The following PIEZO2 variants were observed in gnomAD, a reference collection of about 807,000 sequenced individuals.
The protein encoded by PIEZO2 is piezo-type mechanosensitive ion channel component 2.
A neutral mutation model predicts 337.3 loss-of-function variants in PIEZO2; 172 were observed. The observed-to-expected ratio is 0.51, with a 90% CI of 0.45 to 0.58. PIEZO2 has a LOEUF of 0.58. Ranked by LOEUF, PIEZO2 falls within the 20% of genes least tolerant of loss-of-function variation. The pLI is 0.00. For missense variants in PIEZO2, 3,028 were observed against 3,391.3 expected (o/e 0.89, Z 2.66); for synonymous variants, 1,251 against 1,228.5 (o/e 1.02, Z -0.38).
chr18:10,896,788 G>A (rs1464183850), intron 4 of PIEZO2, among the ~76,000 whole-genome samples: 4 of 152,142 alleles, frequency 2.6e-5, no homozygotes, highest in African/African-American at 4.8e-5. Context: ...TGTGAGGTCC[G>A]GCATCACCGG....
intron 2 of PIEZO2, among the ~76,000 whole-genome samples, chr18:11,025,202 T>C (rs2036493968): frequency 6.6e-6 from 1 of 152,304 alleles, no homozygotes; most frequent in East Asian, 1.9e-4. Flanking sequence ...GAAATGGAGA[T>C]GAAAATAACA....
intron 27 of PIEZO2, among the ~76,000 whole-genome samples, chr18:10,757,356 T>C (rs1043713619): frequency 8.1e-6 from 1 of 122,960 alleles, no homozygotes; most frequent in African/African-American, 3.1e-5. Context: ...GAATGGAGGG[T>C]GATGAGGAGG....
intron 1 of PIEZO2, among the ~76,000 whole-genome samples, chr18:11,123,898 GAAAGAGTAGATTTT>G (rs143467567): frequency 0.57 from 85,810 of 151,794 alleles, 27,015 homozygotes; most frequent in Non-Finnish European, 0.7. Context: ...TAAGATTGCT[GAAAGAGTAGATTTT>G]AAAGAGTAGA....
chr18:10,960,255 T>G (rs1177914547), intron 3 of PIEZO2, among the ~76,000 whole-genome samples: 2 of 152,172 alleles, frequency 1.3e-5, no homozygotes, highest in Non-Finnish European at 2.9e-5. Context: ...ATATTTTAAA[T>G]GTAGCTTAAA....
At chr18:10,967,018 G>GTTTT (rs1281379698) in intron 3 of PIEZO2, among the ~76,000 whole-genome samples, 2 of 122,856 alleles carry the variant, frequency 1.6e-5, no homozygotes, top group Non-Finnish European at 1.6e-5. Context: ...TCTGTTTTTT[G>GTTTT]TTTTTTTTTT....
chr18:10,731,177 T>TATATAGATATA (rs1555633703), intron 36 of PIEZO2, among the ~76,000 whole-genome samples: 2 of 35,234 alleles, frequency 5.7e-5, no homozygotes, highest in African/African-American at 2.6e-4. Flanking sequence ...ACTTAAAAGA[T>TATATAGATATA]TATATATATA....
At position 10,847,193 on chromosome 18, in the gene PIEZO2, C is replaced by T. The variant is rs897831060; in HGVS notation, c.917+8160G>A. Among the ~76,000 whole-genome samples the T allele has an allele frequency of 3.3e-5, 5 of 152,204 alleles. No homozygotes were observed. The highest frequency in any genetic ancestry group is 7.3e-5 in the Non-Finnish European group (5 of 68,038). The stretch of plus-strand genomic sequence containing the variant: ...GTGTGGTATTATTAAATCAGTGGAA[C>T]CCATGTGATGCTCGCTGGCCAGATG... On this transcript the variant is annotated intron_variant, in intron 7 of 55. Transcript: ENST00000674853. This position sits in a 1 kb window ranked among gnomAD's most constrained non-coding sequence, Gnocchi z 5.7.
In PIEZO2 at chr18:10,855,371, G is replaced by C; in HGVS notation, c.899C>G (p.Pro300Arg). 2.0e-6 allele frequency: 3 copies of C among 1,535,726 alleles called. No individual in the cohort carries two copies. The highest frequency in any genetic ancestry group is 2.6e-6 in the Non-Finnish European group (3 of 1,145,602). ...QFQFFQEAVP[P>R]NDYYARLFGI... ...CTCTTACCTTGCATAGTAGTCATTG[G>C]GTGGAACTGCCTCTTGAAAGAATTG... Residue 300 changes from proline (P) to arginine (R), a missense_variant, in exon 7 of 56, where the codon CCC (proline) becomes CGC (arginine). Pro to Arg is a moderately radical substitution (Grantham distance 103, BLOSUM62 -2). Around this residue, in one of 5 missense-constraint regions of PIEZO2, gnomAD observed 542 missense variants for 605.6 expected, o/e 0.89. Transcript: ENST00000674853. The surrounding 1 kb of genome is among the most constrained non-coding windows in gnomAD (Gnocchi z 4.9).
rs1183455612 is a variant in PIEZO2, at chr18:11,126,153, C to A, written c.64+22372G>T. Among the ~76,000 whole-genome samples the A allele has an allele frequency of 6.6e-6, 1 of 152,202 alleles. No individual in the cohort carries two copies. The highest frequency in any genetic ancestry group is 1.9e-4 in the East Asian group (1 of 5,200). ...AGCACAGGTAGCTGAGCCATATGCT[C>A]CCCCGCATAGAGACTGGTTGCTTTG... On this transcript the variant is annotated intron_variant, in intron 1 of 55. Transcript: ENST00000674853. The surrounding 1 kb of genome is among the most constrained non-coding windows in gnomAD (Gnocchi z 4.6).
At chr18:10,845,186 TTGTG>T (rs549023682) in intron 7 of PIEZO2, among the ~76,000 whole-genome samples, 2,610 of 136,922 alleles carry the variant, frequency 0.019, 84 homozygotes, top group African/African-American at 0.067. Flanking sequence ...ATTTTTCCCA[TTGTG>T]TGTGTGTGTG....
chr18:11,084,592 G>C (rs2038857373), intron 1 of PIEZO2, among the ~76,000 whole-genome samples: 1 of 152,098 alleles, frequency 6.6e-6, no homozygotes, highest in Admixed American at 6.5e-5. Flanking sequence ...GAGTTGGCTT[G>C]AGTGTGGATC....
chr18:10,726,508 G>C lies in PIEZO2; in HGVS notation c.5029+4899C>G. On this transcript the variant is annotated intron_variant, in intron 36 of 55. Transcript: ENST00000674853. This position sits in a 1 kb window ranked among gnomAD's most constrained non-coding sequence, Gnocchi z 5.9. The stretch of plus-strand genomic sequence containing the variant: ...ACAGCGTGCTGCTCCGCAAGCAGCC[G>C]TTCCTGTGGCGCGCTGCGCTGCTCT... 6.7e-7 allele frequency: 1 copy of C among 1,488,432 alleles called. No individual in the cohort carries two copies. Among genetic ancestry groups the C allele is most frequent in the Admixed American group, 2.2e-5 (1 of 45,228 alleles). The allele number at this position is 1,488,432 out of a possible 1,614,324, so 92.2% of individuals were successfully genotyped here.
At chr18:10,865,631 C>T (rs1056771223) in intron 5 of PIEZO2, among the ~76,000 whole-genome samples, 1 of 152,138 alleles carries the variant, frequency 6.6e-6, no homozygotes, top group Non-Finnish European at 1.5e-5. Context: ...GGGGAAGGAG[C>T]TGTGTCTCCC....
intron 53 of PIEZO2, among the ~76,000 whole-genome samples, chr18:10,675,823 G>A (rs2033974407): frequency 6.6e-6 from 1 of 152,106 alleles, no homozygotes; most frequent in African/African-American, 2.4e-5. Flanking sequence ...TGCTGTTCTT[G>A]TGATAGTGAA....
rs1165826159 is a variant in PIEZO2 at position 10,948,203 on chromosome 18, A to C, written c.286+31332T>G. On this transcript the variant is annotated intron_variant, in intron 3 of 55. Transcript: ENST00000674853. ...CTTAAAAATAATTTCAATATATAAT[A>C]AAAATTTAAATATACATGGATGAGT... Among the ~76,000 whole-genome samples the C allele has an allele frequency of 2.0e-5, 3 of 152,270 alleles. No individual in the cohort carries two copies. The East Asian group carries it at 5.8e-4, about 29-fold the overall frequency.
chr18:11,010,966 T>C (rs2035876954), intron 2 of PIEZO2, among the ~76,000 whole-genome samples: 1 of 152,254 alleles, frequency 6.6e-6, no homozygotes, highest in East Asian at 1.9e-4. Flanking sequence ...ATGTGCTAAA[T>C]TGATGTGTTC....
intron 4 of PIEZO2, among the ~76,000 whole-genome samples, chr18:10,906,872 T>C (rs995996391): frequency 6.6e-6 from 1 of 152,128 alleles, no homozygotes; most frequent in African/African-American, 2.4e-5. Flanking sequence ...AAGAACTTTC[T>C]TATATCCTGT....
chr18:10,775,226 C>T lies in PIEZO2; in HGVS notation c.2535-1188G>A, dbSNP rs1038227411. Among the ~76,000 whole-genome samples, 1 of 152,190 alleles carries T rather than the reference C, an allele frequency of 6.6e-6. No individual in the cohort carries two copies. The highest frequency in any genetic ancestry group is 1.5e-5 in the Non-Finnish European group (1 of 68,042). On this transcript the variant is annotated intron_variant, in intron 18 of 55. Coordinates refer to ENST00000674853, the MANE Select transcript of PIEZO2 (RefSeq NM_001378183.1). This position sits in a 1 kb window ranked among gnomAD's most constrained non-coding sequence, Gnocchi z 4.3. ...TCCTAAGCTAGTCAATTCATCCTCT[C>T]GACTTTGGAGAAGTTAGCTACTCTT...
intron 3 of PIEZO2, among the ~76,000 whole-genome samples, chr18:10,916,625 G>A (rs531925729): frequency 2.0e-5 from 3 of 152,242 alleles, no homozygotes; most frequent in South Asian, 2.1e-4. Context: ...GTCGGCCGGC[G>A]AGTGCAAGCA....
Sources: gnomAD v4.1 joint callset for allele counts (sites outside exome capture counted in the v4.1 genomes callset) on GRCh38, gnomAD v4.1.1 for gene constraint, gnomAD v4.1.1 regional missense constraint, Gnocchi (gnomAD v3.1) non-coding constraint, MANE v1.5 for transcripts, NCBI Gene and HGNC (gene_info 2026-07-23, HGNC 2026-07-21) for gene names.